TRPA1: variants seen among roughly 807,000 people sequenced by gnomAD.
TRPA1 encodes the protein ankyrin-like with transmembrane domains 1.
Under a neutral mutation model 131.3 loss-of-function variants are expected in TRPA1, and 129 were observed. The observed-to-expected ratio is 0.98, with a 90% confidence interval of 0.85 to 1.14. The LOEUF (loss-of-function observed/expected upper bound fraction) is 1.14. Ranked by LOEUF, TRPA1 falls within the 50% of genes most tolerant of loss-of-function variation. The probability of loss-of-function intolerance (pLI) is 0.00; values close to 1 mark genes in which losing one functional copy is unlikely to be tolerated. For synonymous variants in TRPA1, 441 were observed against 451.7 expected, an observed-to-expected ratio of 0.98 and a Z score of 0.30; for missense variants, 1,304 against 1,354.2, an observed-to-expected ratio of 0.96 and a Z score of 0.58.
At chr8:72,035,091 C>T (rs973056257) in intron 21 of TRPA1, among the ~76,000 whole-genome samples, 1 of 152,168 alleles carries the variant, frequency 6.6e-6, no homozygotes, top group African/African-American at 2.4e-5. Context: ...TTCTTTTCTA[C>T]CCCCTGCATC....
chr8:72,052,752 T>G lies in TRPA1; in HGVS notation c.1658A>C (p.His553Pro), dbSNP rs1414166309. The G allele has an allele frequency of 1.2e-6, 2 of 1,612,938 alleles. No individual in the cohort carries two copies. Among genetic ancestry groups the G allele is most frequent in the Middle Eastern group, 1.8e-4 (1 of 5,416 alleles). ...RLDEDGNTAL[H>P]FAAREGHAKA... is the part of the protein sequence containing the mutation. ...GGCGTGGCCTTCCCTTGCAGCAAAG[T>G]GAAGTGCAGTGTTCTTTTGAAGAAA... Residue 553 changes from histidine to proline, a missense_variant, in exon 14 of 27, where the codon CAC becomes CCC. His to Pro is a moderately conservative substitution (Grantham distance 77). Coordinates refer to ENST00000262209, the MANE Select transcript of TRPA1 (RefSeq NM_007332.3).
At chr8:72,041,279 C>CT (rs1414477073) in intron 17 of TRPA1, 1 of 151,986 alleles carries the variant, frequency 6.6e-6, no homozygotes, top group African/African-American at 2.4e-5. Context: ...ACTTCACTAT[C>CT]TGACTTTCAG....
intron 2 of TRPA1, among the ~76,000 whole-genome samples, chr8:72,071,091 T>A (rs929776537): frequency 6.6e-6 from 1 of 152,234 alleles, no homozygotes; most frequent in African/African-American, 2.4e-5. Context: ...AACCTCTCCC[T>A]GTCTCCTTTT....
At chr8:72,037,961 A>T (rs772821117) in intron 20 of TRPA1, 22 bp downstream of exon 20, 3 of 1,393,308 alleles carry the variant, frequency 2.2e-6, no homozygotes, top group Admixed American at 1.7e-5. Context: ...GCAACTTTAG[A>T]GATACAAAAT....
In TRPA1 at chr8:72,056,984, C is replaced by T. The variant is rs757203410; in HGVS notation, c.1127G>A (p.Arg376His). 2.2e-5 allele frequency: 36 copies of T among 1,608,624 alleles called. No individual in the cohort carries two copies. Among genetic ancestry groups the T allele is most frequent in the African/African-American group, 6.7e-5 (5 of 74,626 alleles). ...AQVDIKDNFG[R>H]NFLHLTVQQP... ...CTGTACAGTTAAATGCAGAAAATTACGTCCAAAATTATCTTTTATGTCTAC... is the reference window on the plus strand; with the variant it reads ...CTGTACAGTTAAATGCAGAAAATTATGTCCAAAATTATCTTTTATGTCTAC... Residue 376 changes from arginine to histidine, a missense_variant, in exon 10 of 27, where the codon CGT becomes CAT. Arg to His is a conservative substitution (Grantham distance 29). Transcript: ENST00000262209.
chr8:72,069,252 C>A (rs1806001626), intron 2 of TRPA1, 54 bp from the exon 3 acceptor site: 2 of 1,561,822 alleles, frequency 1.3e-6, no homozygotes, highest in African/African-American at 2.7e-5. Context: ...GTATTCAACA[C>A]CTCCTGAGTG....
At chr8:72,029,629 T>C (rs1281648160) in intron 24 of TRPA1, 9 of 550,364 alleles carry the variant, frequency 1.6e-5, no homozygotes, top group Admixed American at 3.1e-5. Flanking sequence ...GCATATTCAG[T>C]AGAATCTGTA....
At chr8:72,081,530 T>C in the TRPA1 span, among the ~76,000 whole-genome samples, 2 of 151,884 alleles carry the variant, frequency 1.3e-5, no homozygotes, top group African/African-American at 4.8e-5. Flanking sequence ...GTGATAGTGT[T>C]GCTCAAGTTT....
chr8:72,036,784 T>G (rs1490859217), intron 20 of TRPA1, among the ~76,000 whole-genome samples: 1 of 152,220 alleles, frequency 6.6e-6, no homozygotes, highest in African/African-American at 2.4e-5. Flanking sequence ...GTTCAGTAAT[T>G]CCTGGGGCCT....
At chr8:72,035,819 G>C (rs1306398036) in intron 21 of TRPA1, among the ~76,000 whole-genome samples, 1 of 151,884 alleles carries the variant, frequency 6.6e-6, no homozygotes, top group Non-Finnish European at 1.5e-5. Context: ...GTTTAGTCCA[G>C]ATTTGTCTAG....
At chr8:72,058,942 T>C (rs1322383287) in intron 8 of TRPA1, among the ~76,000 whole-genome samples, 2 of 152,110 alleles carry the variant, frequency 1.3e-5, no homozygotes, top group Non-Finnish European at 2.9e-5. Flanking sequence ...TAATAAATCT[T>C]TGACAATATT....
At chr8:72,031,855 A>G (rs1811836262) in intron 23 of TRPA1, among the ~76,000 whole-genome samples, 1 of 152,200 alleles carries the variant, frequency 6.6e-6, no homozygotes, top group Non-Finnish European at 1.5e-5. Flanking sequence ...AGTAGGTTTT[A>G]TTATTATTAA....
intron 17 of TRPA1, among the ~76,000 whole-genome samples, chr8:72,042,659 A>G (rs1315774523): frequency 6.6e-6 from 1 of 151,942 alleles, no homozygotes; most frequent in African/African-American, 2.4e-5. Context: ...AAAGCAACCC[A>G]GTGTCTTCAA....
At position 72,036,382 on chromosome 8, in the gene TRPA1, G is replaced by A. The variant is rs1167848626; in HGVS notation, c.2461C>T (p.Pro821Ser). 1.2e-6 allele frequency: 2 copies of A among 1,614,086 alleles called. No individual in the cohort carries two copies. Among genetic ancestry groups the A allele is most frequent in the Admixed American group, 1.7e-5 (1 of 60,022 alleles). The part of the protein sequence containing the change: ...IYTTGIIFVL[P>S]LFVEIPAHLQ... Reference sequence around the variant, plus strand: ...TGAGCTGGTATTTCAACAAACAAGGGCAGCACAAAAATGATGCCCGTCGTG... The same window carrying A: ...TGAGCTGGTATTTCAACAAACAAGGACAGCACAAAAATGATGCCCGTCGTG... The change falls in exon 21 of 27, where the codon CCC becomes TCC. Residue 821 changes from proline (P) to serine (S), a missense_variant. Coordinates refer to ENST00000262209, the MANE Select transcript of TRPA1 (RefSeq NM_007332.3).
chr8:72,047,623 C>A (rs1262900799), intron 15 of TRPA1, among the ~76,000 whole-genome samples: 1 of 152,032 alleles, frequency 6.6e-6, no homozygotes, highest in Non-Finnish European at 1.5e-5. Flanking sequence ...CCACATATTT[C>A]CATAAGTAGA....
intron 23 of TRPA1, among the ~76,000 whole-genome samples, chr8:72,031,652 A>G (rs1301309473): frequency 6.6e-6 from 1 of 151,940 alleles, no homozygotes; most frequent in Non-Finnish European, 1.5e-5. Flanking sequence ...CCCAAAACTA[A>G]CCATTTCATA....
intron 7 of TRPA1, chr8:72,060,311 G>A (rs1426689849): frequency 6.6e-6 from 1 of 151,890 alleles, no homozygotes; most frequent in African/African-American, 2.4e-5. Context: ...GAATCAAAGA[G>A]TTTTTTTCTT....
chr8:72,067,965 T>C (rs1805970772), intron 3 of TRPA1, among the ~76,000 whole-genome samples: 1 of 152,164 alleles, frequency 6.6e-6, no homozygotes, highest in Non-Finnish European at 1.5e-5. Flanking sequence ...ATACTTGAAT[T>C]AGTAAGACAC....
intron 12 of TRPA1, chr8:72,055,044 T>G (rs772832470): frequency 5.9e-5 from 10 of 170,676 alleles, no homozygotes; most frequent in Non-Finnish European, 1.0e-4. Flanking sequence ...CTTGTATGTT[T>G]TGTGTGTGTG....
Sources: gnomAD v4.1 joint callset for allele counts (sites outside exome capture counted in the v4.1 genomes callset) on GRCh38, gnomAD v4.1.1 for gene constraint, MANE v1.5 for transcripts, NCBI Gene and HGNC (gene_info 2026-07-23, HGNC 2026-07-21) for gene names.